Variants in TGS1 observed in about 807,000 individuals in gnomAD.
TGS1 encodes trimethylguanosine synthase.
A neutral mutation model predicts 92.2 loss-of-function variants in TGS1; 69 were observed. That is an observed-to-expected ratio of 0.75 (90% CI 0.62 to 0.91). The LOEUF (loss-of-function observed/expected upper bound fraction) is 0.91, where lower values mean the gene tolerates loss of function less well. TGS1 is among the 40% of genes least tolerant of loss of function. The probability of loss-of-function intolerance (pLI) is 0.00; values close to 1 mark genes in which losing one functional copy is unlikely to be tolerated. For missense variants in TGS1, 1,062 were observed against 1,001.2 expected (o/e 1.06, Z -0.82); for synonymous variants, 345 against 338.1 (o/e 1.02, Z -0.22).
chr8:55,777,360 C>T (rs1488816972), intron 1 of TGS1, among the ~76,000 whole-genome samples: 6 of 150,652 alleles, frequency 4.0e-5, no homozygotes, highest in African/African-American at 1.5e-4. Context: ...CGTATCTGAT[C>T]GCTCTGGCCT....
intron 8 of TGS1, among the ~76,000 whole-genome samples, chr8:55,799,423 G>GTGAA (rs1233663275): frequency 1.3e-5 from 2 of 152,178 alleles, no homozygotes; most frequent in Non-Finnish European, 2.9e-5. Context: ...TCTTGGCTGA[G>GTGAA]TGAACATGAT....
chr8:55,817,731 A>T (rs1803522954), intron 12 of TGS1, among the ~76,000 whole-genome samples: 1 of 152,242 alleles, frequency 6.6e-6, no homozygotes, highest in African/African-American at 2.4e-5. Context: ...AACCAGAAGC[A>T]TGAGAGAATA....
At chr8:55,798,142 G>A (rs1812113225) in intron 7 of TGS1, among the ~76,000 whole-genome samples, 1 of 152,178 alleles carries the variant, frequency 6.6e-6, no homozygotes, top group Non-Finnish European at 1.5e-5. Flanking sequence ...TAACTGTTGT[G>A]TCTAACTTAG....
At chr8:55,803,130 GGTGTGTGT>G (rs1554562881) in intron 9 of TGS1, among the ~76,000 whole-genome samples, 2 of 143,586 alleles carry the variant, frequency 1.4e-5, no homozygotes, top group Admixed American at 6.9e-5. Context: ...AATTTGGGGG[GGTGTGTGT>G]GTGTGTGTGT....
intron 12 of TGS1, among the ~76,000 whole-genome samples, chr8:55,822,685 A>C (rs956088785): frequency 1.3e-5 from 2 of 151,904 alleles, no homozygotes; most frequent in African/African-American, 4.8e-5. Context: ...TTTTACTTTA[A>C]GTATTCCTTA....
intron 8 of TGS1, among the ~76,000 whole-genome samples, chr8:55,800,806 T>C (rs1812195033): frequency 6.6e-6 from 1 of 152,226 alleles, no homozygotes; most frequent in Non-Finnish European, 1.5e-5. Flanking sequence ...AATGATCAGA[T>C]GAACATATTA....
chr8:55,780,666 A>G (rs1409711868), intron 1 of TGS1, among the ~76,000 whole-genome samples: 1 of 152,198 alleles, frequency 6.6e-6, no homozygotes, highest in Non-Finnish European at 1.5e-5. Flanking sequence ...CCCCTGAATC[A>G]GCTACCTCTG....
In TGS1 at chr8:55,826,268, A is replaced by G. The variant is rs1008225294; in HGVS notation, c.*1565A>G. On this transcript the variant is annotated 3_prime_UTR_variant, in exon 13 of 13. Transcript: ENST00000260129. ...ACCTTTCTTGCATATACTTCTTTCC[A>G]CAGCTCATTTTCTTACTTGTATATT... Among the ~76,000 whole-genome samples, 1 of 152,080 alleles carries G rather than the reference A, an allele frequency of 6.6e-6. No individual in the cohort carries two copies. The highest frequency in any genetic ancestry group is 2.4e-5 in the African/African-American group (1 of 41,394).
At chr8:55,813,464 T>G (rs912510790) in intron 12 of TGS1, among the ~76,000 whole-genome samples, 1 of 152,218 alleles carries the variant, frequency 6.6e-6, no homozygotes, top group Non-Finnish European at 1.5e-5. Flanking sequence ...TCAAAAAAAA[T>G]AGAGAGATTT....
intron 1 of TGS1, among the ~76,000 whole-genome samples, chr8:55,775,867 C>G (rs1381354906): frequency 1.3e-5 from 2 of 152,056 alleles, no homozygotes; most frequent in Non-Finnish European, 2.9e-5. Flanking sequence ...GATGGATTAA[C>G]TAGGAAACAG....
chr8:55,783,444 C>T (rs1377919079), intron 2 of TGS1, among the ~76,000 whole-genome samples: 2 of 152,096 alleles, frequency 1.3e-5, no homozygotes, highest in South Asian at 4.1e-4. Context: ...AAATTCTAAT[C>T]ATAATACACT....
chr8:55,817,410 A>G (rs1803511456), intron 12 of TGS1, among the ~76,000 whole-genome samples: 1 of 152,212 alleles, frequency 6.6e-6, no homozygotes, highest in Admixed American at 6.5e-5. Flanking sequence ...TTTGAATTTG[A>G]ATAAATATGA....
chr8:55,824,610 A>C lies in TGS1; in HGVS notation c.2469A>C (p.Gln823His), dbSNP rs1366623145. ...QVASLAGPGGQVEIEQNFLNN... is the reference protein window; with the variant it reads ...QVASLAGPGGHVEIEQNFLNN... ...CATCCTTAGCTGGGCCTGGAGGGCAAGTGGAAATAGAACAGAACTTCCTTA... is the reference window on the plus strand; with the variant it reads ...CATCCTTAGCTGGGCCTGGAGGGCACGTGGAAATAGAACAGAACTTCCTTA... Residue 823 changes from glutamine to histidine, a missense_variant, in exon 13 of 13, where the codon CAA becomes CAC. By Grantham distance (24) the Gln-to-His change is conservative. Coordinates refer to ENST00000260129, the MANE Select transcript of TGS1 (RefSeq NM_024831.8). 3.7e-6 allele frequency: 6 copies of C among 1,614,104 alleles called. No homozygotes were observed. The highest frequency in any genetic ancestry group is 5.1e-6 in the Non-Finnish European group (6 of 1,180,042).
Position 55,790,209 on chromosome 8 carries a change from C to T in TGS1, c.1190C>T (p.Thr397Ile). The T allele has an allele frequency of 1.2e-6, 2 of 1,613,912 alleles. No individual in the cohort carries two copies. Among genetic ancestry groups the T allele is most frequent in the Non-Finnish European group, 8.5e-7 (1 of 1,179,878 alleles). Residue 397 changes from threonine (T) to isoleucine (I), a missense_variant, in exon 5 of 13, where the codon ACA becomes ATA. Transcript: ENST00000260129. ...TCACAGAAGTCTTCAGGAGCAAACACAAGCAAAGACAGACCACATGCCAGT... is the reference window on the plus strand; with the variant it reads ...TCACAGAAGTCTTCAGGAGCAAACATAAGCAAAGACAGACCACATGCCAGT... ...EDSQKSSGAN[T>I]SKDRPHASGT...
intron 12 of TGS1, 21 bp downstream of exon 12, chr8:55,813,139 T>G: frequency 6.6e-7 from 1 of 1,521,910 alleles, no homozygotes; most frequent in Non-Finnish European, 9.1e-7. Flanking sequence ...ACTGAAAAAC[T>G]TCCATGAGTG....
chr8:55,818,386 A>G (rs890324126), intron 12 of TGS1, among the ~76,000 whole-genome samples: 4 of 152,210 alleles, frequency 2.6e-5, no homozygotes, highest in Non-Finnish European at 4.4e-5. Context: ...TTGGCCAGCT[A>G]TTCTTCACCT....
intron 6 of TGS1, among the ~76,000 whole-genome samples, chr8:55,794,206 G>A (rs1044382982): frequency 6.6e-6 from 1 of 152,056 alleles, no homozygotes; most frequent in Non-Finnish European, 1.5e-5. Context: ...TGTAACACAG[G>A]CAGGAGTGCA....
At position 55,805,044 on chromosome 8, in the gene TGS1, G is replaced by A; in HGVS notation, c.2143+8G>A. On this transcript the variant is annotated splice_region_variant and intron_variant, in intron 10 of 12. Transcript: ENST00000260129. ...CCTTAACAGGAATGAGAGGTAATTA[G>A]CCATCAATGGAAGTGAACTATTTTA... 6.2e-7 allele frequency: 1 copy of A among 1,612,290 alleles called. No homozygotes were observed. Among genetic ancestry groups the A allele is most frequent in the East Asian group, 2.2e-5 (1 of 44,820 alleles).
intron 12 of TGS1, among the ~76,000 whole-genome samples, chr8:55,819,226 G>A (rs1259019614): frequency 2.0e-5 from 3 of 151,110 alleles, no homozygotes; most frequent in South Asian, 2.1e-4. Flanking sequence ...ATGAGCCACC[G>A]TGCCCGGCCT....
Sources: allele counts gnomAD v4.1 joint callset (sites outside exome capture counted in the v4.1 genomes callset), GRCh38; gene constraint gnomAD v4.1.1; transcripts MANE v1.5; gene names NCBI Gene and HGNC (gene_info 2026-07-23, HGNC 2026-07-21).